The following FAF1 variants were observed in gnomAD, a reference collection of about 807,000 sequenced individuals.
FAF1 encodes the protein Fas associated factor 1.
Under a neutral mutation model 92.5 loss-of-function variants are expected in FAF1, and 25 were observed. The ratio of observed to expected loss-of-function variants is 0.27; its 90% CI spans 0.20 to 0.38. The LOEUF (loss-of-function observed/expected upper bound fraction) is 0.38, where lower values mean the gene tolerates loss of function less well. FAF1 is among the 10% of genes least tolerant of loss of function. The pLI, the probability that FAF1 is intolerant of heterozygous loss-of-function variation, is 1.00. For synonymous variants in FAF1, 234 were observed against 273.2 expected (o/e 0.86, Z 1.42); for missense variants, 636 against 793.3 (o/e 0.80, Z 2.38).
At chr1:50,686,932 G>A (rs1656689703) in intron 7 of FAF1, among the ~76,000 whole-genome samples, 1 of 151,964 alleles carries the variant, frequency 6.6e-6, no homozygotes, top group Non-Finnish European at 1.5e-5. Context: ...GGGTTCAAGC[G>A]ATTCTCATGC....
chr1:50,660,562 C>T (rs1465491862), intron 7 of FAF1, among the ~76,000 whole-genome samples: 1 of 151,482 alleles, frequency 6.6e-6, no homozygotes, highest in African/African-American at 2.4e-5. Context: ...AGTAGGTTCT[C>T]GGCTTACTGC....
chr1:50,545,214 C>T (rs1648950992), intron 13 of FAF1, among the ~76,000 whole-genome samples: 1 of 152,122 alleles, frequency 6.6e-6, no homozygotes, highest in African/African-American at 2.4e-5. Flanking sequence ...AGTAATAGCA[C>T]ATAAGCATGT....
chr1:50,486,170 T>C (rs1646766235), intron 17 of FAF1, among the ~76,000 whole-genome samples: 1 of 152,220 alleles, frequency 6.6e-6, no homozygotes. Flanking sequence ...ACTTAATATT[T>C]TCTACTTAAG....
intron 15 of FAF1, among the ~76,000 whole-genome samples, chr1:50,529,145 G>A (rs925783727): frequency 4.6e-5 from 7 of 152,082 alleles, no homozygotes; most frequent in African/African-American, 1.7e-4. Context: ...GTTAACTGTA[G>A]TTTGAACTAC....
At chr1:50,700,528 A>T (rs536278942) in intron 7 of FAF1, among the ~76,000 whole-genome samples, 2 of 152,242 alleles carry the variant, frequency 1.3e-5, no homozygotes, top group South Asian at 2.1e-4. Context: ...CATATTGTAA[A>T]ACAGGATTAT....
intron 8 of FAF1, among the ~76,000 whole-genome samples, chr1:50,627,979 G>A (rs1001576392): frequency 6.6e-6 from 1 of 152,090 alleles, no homozygotes; most frequent in African/African-American, 2.4e-5. Flanking sequence ...ATGAGTTGAC[G>A]AATAAGTAGA....
rs1318109308 is a variant in FAF1, at chr1:50,830,128, G to T, written c.114+27801C>A. On this transcript the variant is annotated intron_variant, in intron 2 of 18. Transcript: ENST00000396153. ...TGTTTTTGTTTTTTGGGTCTTTTTG[G>T]TTTTTTTGAGACAGAGTCTTGCTGT... Among the ~76,000 whole-genome samples the T allele has an allele frequency of 2.0e-5, 3 of 152,124 alleles. No individual in the cohort carries two copies. In the East Asian group the frequency reaches 5.8e-4, roughly 29 times the overall value.
At chr1:50,574,230 G>A (rs1025564550) in intron 12 of FAF1, among the ~76,000 whole-genome samples, 1 of 152,236 alleles carries the variant, frequency 6.6e-6, no homozygotes, top group African/African-American at 2.4e-5. Context: ...GTAATACTCA[G>A]GTAATACAAT....
At chr1:50,495,915 G>A (rs543172829) in intron 15 of FAF1, among the ~76,000 whole-genome samples, 6 of 151,960 alleles carry the variant, frequency 3.9e-5, no homozygotes, top group African/African-American at 7.2e-5. Context: ...GGCACACTAC[G>A]TAGTTCAGCA....
At chr1:50,893,065 A>G (rs1644732115) in intron 1 of FAF1, among the ~76,000 whole-genome samples, 1 of 152,110 alleles carries the variant, frequency 6.6e-6, no homozygotes, top group Admixed American at 6.5e-5. Context: ...AGTCTCTCTG[A>G]TAGACTTCTG....
rs4477329 is a variant in FAF1, at chr1:50,675,505, C to T, written c.658-19977G>A. ...GATGCTGCTCCAGACTAGCTGATTG[C>T]TGTTATAGAAAATGTAGGGTTCAGC... On this transcript the variant is annotated intron_variant, in intron 7 of 18. Transcript: ENST00000396153. Among the ~76,000 whole-genome samples, 988 of 152,292 alleles carry T rather than the reference C, an allele frequency of 6.5e-3. 19 individuals carry two copies. The highest frequency in any genetic ancestry group is 0.023 in the African/African-American group (944 of 41,556).
intron 18 of FAF1, among the ~76,000 whole-genome samples, chr1:50,456,714 T>G (rs114593374): frequency 3.2e-3 from 485 of 152,330 alleles, no homozygotes; most frequent in South Asian, 6.6e-3. Flanking sequence ...AGACACTATT[T>G]CTGCTCTCAG....
At chr1:50,524,422 C>T (rs1258215127) in intron 15 of FAF1, among the ~76,000 whole-genome samples, 2 of 152,164 alleles carry the variant, frequency 1.3e-5, no homozygotes, top group East Asian at 3.8e-4. Flanking sequence ...GCTTTTGTTG[C>T]TATTGCTTTT....
chr1:50,780,384 C>T (rs1253044897), intron 4 of FAF1: 1 of 155,704 alleles, frequency 6.4e-6, no homozygotes, highest in Non-Finnish European at 1.4e-5. Context: ...TTGACCTGGC[C>T]TTAGCCATAC....
At chr1:50,575,164 T>A (rs539836862) in intron 12 of FAF1, among the ~76,000 whole-genome samples, 7 of 152,276 alleles carry the variant, frequency 4.6e-5, no homozygotes, top group Non-Finnish European at 8.8e-5. Context: ...CGCCTCGGCC[T>A]CCCAAAGTGC....
chr1:50,560,814 C>T (rs1456072274), intron 13 of FAF1, among the ~76,000 whole-genome samples: 1 of 152,188 alleles, frequency 6.6e-6, no homozygotes, highest in Admixed American at 6.5e-5. Context: ...CCCACTAACC[C>T]ACTTATTACT....
At chr1:50,724,778 C>T (rs1658575638) in intron 6 of FAF1, among the ~76,000 whole-genome samples, 1 of 152,214 alleles carries the variant, frequency 6.6e-6, no homozygotes, top group Admixed American at 6.5e-5. Flanking sequence ...CCAGCAGTTT[C>T]CTCTTTCACT....
intron 2 of FAF1, among the ~76,000 whole-genome samples, chr1:50,825,464 A>G (rs994226498): frequency 2.0e-5 from 3 of 152,086 alleles, no homozygotes; most frequent in South Asian, 2.1e-4. Flanking sequence ...TCATAATGAT[A>G]AAAGGGTCAC....
At chr1:50,453,308 T>C (rs892662988) in intron 18 of FAF1, among the ~76,000 whole-genome samples, 1 of 152,202 alleles carries the variant, frequency 6.6e-6, no homozygotes, top group Admixed American at 6.5e-5. Context: ...GAATGAATTT[T>C]AATATCCAAG....
Sources: allele counts gnomAD v4.1 joint callset (sites outside exome capture counted in the v4.1 genomes callset), GRCh38; gene constraint gnomAD v4.1.1; transcripts MANE v1.5; gene names NCBI Gene and HGNC (gene_info 2026-07-23, HGNC 2026-07-21).